The following SLC7A11 variants were observed in gnomAD, a reference collection of about 807,000 sequenced individuals.
The protein encoded by SLC7A11 is solute carrier family 7 member 11, also known as cystine/glutamate transporter.
In SLC7A11, 35 loss-of-function variants were observed where a neutral mutation model predicts 54.5. The observed-to-expected ratio is 0.64, with a 90% CI of 0.49 to 0.85. The LOEUF is 0.85. SLC7A11 is among the 40% of genes least tolerant of loss of function. The pLI is 0.00. For synonymous variants in SLC7A11, 230 were observed against 225.2 expected, an observed-to-expected ratio of 1.02 and a Z score of -0.19; for missense variants, 583 against 618.1, an observed-to-expected ratio of 0.94 and a Z score of 0.60.
At chr4:138,203,244 G>T (rs1051253494) in intron 6 of SLC7A11, among the ~76,000 whole-genome samples, 2 of 152,004 alleles carry the variant, frequency 1.3e-5, no homozygotes, top group African/African-American at 2.4e-5. Flanking sequence ...GCATTAGTGT[G>T]TCATTTTTTC....
chr4:138,188,060 T>A (rs1000646158), intron 6 of SLC7A11, among the ~76,000 whole-genome samples: 10 of 152,194 alleles, frequency 6.6e-5, no homozygotes, highest in African/African-American at 2.4e-4. Context: ...TATTCTTTTT[T>A]AAAAAAATTT....
intron 6 of SLC7A11, among the ~76,000 whole-genome samples, chr4:138,192,544 T>C (rs1737036106): frequency 6.6e-6 from 1 of 151,574 alleles, no homozygotes; most frequent in African/African-American, 2.4e-5. Context: ...GCTAGCATTA[T>C]TCTAACTAAT....
intron 6 of SLC7A11, among the ~76,000 whole-genome samples, chr4:138,187,214 C>T (rs935290487): frequency 2.0e-5 from 3 of 152,052 alleles, no homozygotes; most frequent in Non-Finnish European, 4.4e-5. Flanking sequence ...CTCTGAGGGC[C>T]GTTTCCTAAA....
At chr4:138,211,268 C>A (rs1737541445) in intron 6 of SLC7A11, among the ~76,000 whole-genome samples, 1 of 151,734 alleles carries the variant, frequency 6.6e-6, no homozygotes, top group Admixed American at 6.6e-5. Context: ...GGGGCAAAAG[C>A]TGAAAAACTA....
chr4:138,206,963 A>C (rs6851845), intron 6 of SLC7A11, among the ~76,000 whole-genome samples: 124,267 of 145,024 alleles, frequency 0.86, 54,026 homozygotes, highest in East Asian at 0.96. Context: ...AAAATGGATT[A>C]ATCAAGCTTT....
intron 6 of SLC7A11, among the ~76,000 whole-genome samples, chr4:138,194,227 G>A (rs540442675): frequency 3.3e-5 from 5 of 152,216 alleles, no homozygotes; most frequent in Non-Finnish European, 5.9e-5. Flanking sequence ...ACAGTTTCCT[G>A]AAAAGGTCAC....
At chr4:138,206,667 T>G (rs1282301178) in intron 6 of SLC7A11, among the ~76,000 whole-genome samples, 1 of 151,896 alleles carries the variant, frequency 6.6e-6, no homozygotes, top group Non-Finnish European at 1.5e-5. Flanking sequence ...GCACCACTTA[T>G]TTGACACTTC....
Position 138,236,392 on chromosome 4 carries a change from A to G in SLC7A11, c.337T>C (p.Tyr113His). Residue 113 changes from tyrosine (Y) to histidine (H), a missense_variant, in exon 2 of 12, where the codon TAT becomes CAT. Transcript: ENST00000280612. The stretch of plus-strand genomic sequence containing the variant: ...AATGGACCAAAGACTTCCAAAATAT[A>G]TGTGTAATGACCTCCAGATTTCTTT... ...TIKKSGGHYT[Y>H]ILEVFGPLPA... 1 of 1,613,318 alleles carries G rather than the reference A, an allele frequency of 6.2e-7. No individual in the cohort carries two copies. The highest frequency in any genetic ancestry group is 8.5e-7 in the Non-Finnish European group (1 of 1,179,372).
intron 3 of SLC7A11, among the ~76,000 whole-genome samples, chr4:138,224,857 A>AGGAAGGAC (rs1290688580): frequency 7.5e-5 from 10 of 132,870 alleles, no homozygotes; most frequent in African/African-American, 2.5e-4. Flanking sequence ...GAAGGAAGGA[A>AGGAAGGAC]GGAGAAATAG....
At position 138,167,871 on chromosome 4, in the gene SLC7A11, C is replaced by G. The variant is rs1736307726; in HGVS notation, c.*4085G>C. The G allele has an allele frequency of 6.6e-6, 1 of 152,026 alleles. No individual in the cohort carries two copies. Among genetic ancestry groups the G allele is most frequent in the Non-Finnish European group, 1.5e-5 (1 of 68,020 alleles). The allele number at this position is 152,026 out of a possible 1,614,324, so 9.4% of individuals were successfully genotyped here. On this transcript the variant is annotated 3_prime_UTR_variant, in exon 12 of 12. Coordinates refer to ENST00000280612, the MANE Select transcript of SLC7A11 (RefSeq NM_014331.4). Reference sequence around the variant, plus strand: ...CCCACATCTCTCTATATTTCTTTCCCAACTAAGAGCTATAATTAAAATCCC... The same window carrying G: ...CCCACATCTCTCTATATTTCTTTCCGAACTAAGAGCTATAATTAAAATCCC...
chr4:138,170,270 A>AG lies in SLC7A11; in HGVS notation c.*1685_*1686insC, dbSNP rs1254655734. On this transcript the variant is annotated 3_prime_UTR_variant, in exon 12 of 12. Transcript: ENST00000280612. ...TGTGTGTATATATATATATATATATATACACACACACACACACACACACAT... is the reference window on the plus strand; with the variant it reads ...TGTGTGTATATATATATATATATATAGTACACACACACACACACACACACAT... 5.2e-5 allele frequency: 5 copies of AG among 95,466 alleles called. No homozygotes were observed. Among genetic ancestry groups the AG allele is most frequent in the African/African-American group, 1.9e-4 (5 of 25,940 alleles). The allele number at this position is 95,466 out of a possible 1,614,324, so 5.9% of individuals were successfully genotyped here. A position where few individuals can be genotyped will look rare whatever the true frequency, so the allele number is the denominator to read the frequency against.
intron 6 of SLC7A11, among the ~76,000 whole-genome samples, chr4:138,202,291 A>G (rs1163823849): frequency 2.6e-5 from 4 of 152,072 alleles, no homozygotes; most frequent in Non-Finnish European, 5.9e-5. Flanking sequence ...ATATCACAAG[A>G]CACTCTACTT....
At chr4:138,229,698 C>T (rs1413304590) in intron 3 of SLC7A11, among the ~76,000 whole-genome samples, 1 of 152,078 alleles carries the variant, frequency 6.6e-6, no homozygotes, top group African/African-American at 2.4e-5. Context: ...ACGAATTTTC[C>T]CTTTAAAATG....
intron 5 of SLC7A11, among the ~76,000 whole-genome samples, chr4:138,216,356 A>G (rs1737680843): frequency 6.6e-6 from 1 of 152,184 alleles, no homozygotes; most frequent in Admixed American, 6.5e-5. Flanking sequence ...AGAGAAAAAG[A>G]CACTAAAAAC....
intron 6 of SLC7A11, among the ~76,000 whole-genome samples, chr4:138,194,746 T>G (rs1428251327): frequency 6.6e-6 from 1 of 152,180 alleles, no homozygotes; most frequent in Non-Finnish European, 1.5e-5. Flanking sequence ...CATGTCCCCA[T>G]CACTAGCAGA....
intron 6 of SLC7A11, 44 bp downstream of exon 6, chr4:138,214,541 A>G: frequency 8.4e-7 from 1 of 1,196,244 alleles, no homozygotes; most frequent in Non-Finnish European, 1.2e-6. Context: ...GTAATCTTAA[A>G]TTTTATTCTT....
intron 11 of SLC7A11, chr4:138,176,439 T>C (rs1277367824): frequency 6.6e-6 from 1 of 152,072 alleles, no homozygotes; most frequent in African/African-American, 2.4e-5. Context: ...AAAACATCAT[T>C]AGAGATAGAA....
intron 6 of SLC7A11, among the ~76,000 whole-genome samples, chr4:138,208,948 G>T (rs989492515): frequency 6.6e-6 from 1 of 151,904 alleles, no homozygotes; most frequent in Non-Finnish European, 1.5e-5. Flanking sequence ...CAGAAATTTT[G>T]CCCACCTTTG....
At chr4:138,182,223 T>C (rs988902531) in intron 9 of SLC7A11, 74 bp downstream of exon 9, 6 of 920,394 alleles carry the variant, frequency 6.5e-6, no homozygotes, top group Non-Finnish European at 1.1e-5. Context: ...TACTATCTAA[T>C]GTCTGGTTGG....
Sources: allele counts gnomAD v4.1 joint callset (sites outside exome capture counted in the v4.1 genomes callset), GRCh38; gene constraint gnomAD v4.1.1; transcripts MANE v1.5; gene names NCBI Gene and HGNC (gene_info 2026-07-23, HGNC 2026-07-21).